The following PIKFYVE variants were observed in gnomAD, a reference collection of about 807,000 sequenced individuals.
PIKFYVE encodes the protein phosphoinositide kinase, FYVE-type zinc finger containing.
Under a neutral mutation model 257.9 loss-of-function variants are expected in PIKFYVE, and 122 were observed. That is an observed-to-expected ratio of 0.47 (90% CI 0.41 to 0.55). The LOEUF (loss-of-function observed/expected upper bound fraction) is 0.55, where lower values mean the gene tolerates loss of function less well. Among genes scored for constraint, PIKFYVE ranks in the 20% least tolerant of loss-of-function variants. PIKFYVE has a pLI of 0.00. For synonymous variants in PIKFYVE, 892 were observed against 868.9 expected (o/e 1.03, Z -0.47); for missense variants, 2,160 against 2,536.6 (o/e 0.85, Z 3.19).
chr2:208,274,303 A>G (rs565434606), intron 3 of PIKFYVE, among the ~76,000 whole-genome samples: 36 of 152,294 alleles, frequency 2.4e-4, no homozygotes, highest in African/African-American at 8.2e-4. Flanking sequence ...TCTGATGAGT[A>G]TGGGCTGGGG....
intron 7 of PIKFYVE, among the ~76,000 whole-genome samples, chr2:208,298,119 A>G (rs1693212030): frequency 6.6e-6 from 1 of 152,212 alleles, no homozygotes; most frequent in Non-Finnish European, 1.5e-5. Context: ...ATATTTAACT[A>G]TAAAACCTTC....
At chr2:208,316,345 A>G (rs1005030529) in intron 15 of PIKFYVE, among the ~76,000 whole-genome samples, 1 of 152,128 alleles carries the variant, frequency 6.6e-6, no homozygotes, top group Non-Finnish European at 1.5e-5. Flanking sequence ...TAATGTGTGC[A>G]TGTGTCTTTA....
At chr2:208,350,351 G>A (rs564271648) in intron 36 of PIKFYVE, among the ~76,000 whole-genome samples, 1 of 152,110 alleles carries the variant, frequency 6.6e-6, no homozygotes, top group African/African-American at 2.4e-5. Context: ...GTAATCTAGA[G>A]CCACAGAATT....
chr2:208,345,141 A>G lies in PIKFYVE; in HGVS notation c.5058A>G (p.Glu1686=). Residue 1686 remains glutamate, a synonymous_variant, in exon 33 of 42, where the codon GAA becomes GAG. Coordinates refer to ENST00000264380, the MANE Select transcript of PIKFYVE (RefSeq NM_015040.4). ...SCKEYRNALE[E]LSKATQWNSA... is the part of the protein sequence containing the mutation. The stretch of plus-strand genomic sequence containing the variant: ...AAGAATACCGAAATGCCTTAGAGGA[A>G]TTGTCTAAAGCGACTCAGTGGAACA... The G allele has an allele frequency of 6.2e-7, 1 of 1,600,370 alleles. No homozygotes were observed. Among genetic ancestry groups the G allele is most frequent in the Non-Finnish European group, 8.5e-7 (1 of 1,170,962 alleles).
chr2:208,316,743 C>T (rs1203395133), intron 15 of PIKFYVE, among the ~76,000 whole-genome samples: 4 of 152,156 alleles, frequency 2.6e-5, no homozygotes, highest in African/African-American at 9.7e-5. Context: ...TACTACAAGG[C>T]TACAGTAACC....
chr2:208,290,925 A>G (rs1692230610), intron 7 of PIKFYVE, among the ~76,000 whole-genome samples: 1 of 152,182 alleles, frequency 6.6e-6, no homozygotes, highest in Non-Finnish European at 1.5e-5. Flanking sequence ...TGGATTTTCT[A>G]TATAAACAGT....
intron 29 of PIKFYVE, 29 bp from the exon 30 acceptor site, chr2:208,339,389 G>A (rs772384335): frequency 6.2e-7 from 1 of 1,611,786 alleles, no homozygotes; most frequent in African/African-American, 1.3e-5. Flanking sequence ...GTATGTAAAT[G>A]ACTCATTTAA....
Position 208,286,746 on chromosome 2 carries a change from C to T in PIKFYVE, c.821+813C>T, listed in dbSNP as rs1691626691. ...ATGTTGACCAGGCTGTCTTGAACTCCTGGCTTCAAGCGATCCTCCCACCTC... is the reference window on the plus strand; with the variant it reads ...ATGTTGACCAGGCTGTCTTGAACTCTTGGCTTCAAGCGATCCTCCCACCTC... On this transcript the variant is annotated intron_variant, in intron 6 of 41. Transcript: ENST00000264380. Among the ~76,000 whole-genome samples, 2 of 151,558 alleles carry T rather than the reference C, an allele frequency of 1.3e-5. 1 individual carries two copies. The highest frequency in any genetic ancestry group is 1.3e-4 in the Admixed American group (2 of 15,206).
intron 5 of PIKFYVE, among the ~76,000 whole-genome samples, chr2:208,278,467 A>G (rs144371493): frequency 1.7e-4 from 26 of 151,640 alleles, no homozygotes; most frequent in Non-Finnish European, 3.2e-4. Context: ...GGGTATATTT[A>G]GTGATGCTGA....
intron 7 of PIKFYVE, among the ~76,000 whole-genome samples, 178 bp from the exon 8 acceptor site, chr2:208,298,463 G>T (rs1403880220): frequency 6.6e-6 from 1 of 152,136 alleles, no homozygotes; most frequent in Non-Finnish European, 1.5e-5. Flanking sequence ...GAGAGTTTCT[G>T]GGTATCCTTT....
chr2:208,302,447 T>C, intron 10 of PIKFYVE, 94 bp downstream of exon 10: 1 of 1,190,248 alleles, frequency 8.4e-7, no homozygotes, highest in Non-Finnish European at 1.2e-6. Context: ...TATTAGAAGA[T>C]GATTTTTCTA....
At chr2:208,271,399 A>G (rs1160879925) in intron 1 of PIKFYVE, 112 bp from the exon 2 acceptor site, 24 of 1,012,354 alleles carry the variant, frequency 2.4e-5, no homozygotes, top group Non-Finnish European at 7.8e-6. Context: ...GTTTGTTTTC[A>G]TAGTCTGACT....
intron 5 of PIKFYVE, among the ~76,000 whole-genome samples, chr2:208,284,128 A>G (rs1208353157): frequency 6.6e-6 from 1 of 152,200 alleles, no homozygotes; most frequent in African/African-American, 2.4e-5. Flanking sequence ...ATGTTACAGA[A>G]TCACTCAAAA....
chr2:208,313,331 A>G (rs759862894), intron 13 of PIKFYVE, among the ~76,000 whole-genome samples: 1 of 152,304 alleles, frequency 6.6e-6, no homozygotes, highest in South Asian at 2.1e-4. Flanking sequence ...CAAATTCTAC[A>G]TAAATGCTAT....
At chr2:208,296,932 G>C (rs1352844270) in intron 7 of PIKFYVE, among the ~76,000 whole-genome samples, 1 of 152,150 alleles carries the variant, frequency 6.6e-6, no homozygotes, top group African/African-American at 2.4e-5. Context: ...TGAGAGTTTT[G>C]CTGTAAAGTA....
At position 208,303,238 on chromosome 2, in the gene PIKFYVE, T is replaced by C. The variant is rs182906041; in HGVS notation, c.1320+885T>C. The stretch of plus-strand genomic sequence containing the variant: ...TGATACAATATATAGGTTATATATA[T>C]ACACACACACACATATATAAACATA... On this transcript the variant is annotated intron_variant, in intron 10 of 41. Coordinates refer to ENST00000264380, the MANE Select transcript of PIKFYVE (RefSeq NM_015040.4). 1.8e-4 allele frequency among the ~76,000 whole-genome samples: 27 copies of C among 150,310 alleles called. 1 individual carries two copies. The highest frequency in any genetic ancestry group is 4.6e-4 in the African/African-American group (19 of 40,894).
chr2:208,354,562 A>AC lies in PIKFYVE; in HGVS notation c.6107-3dup. 1 of 1,605,576 alleles carries AC rather than the reference A, an allele frequency of 6.2e-7. No individual in the cohort carries two copies. The highest frequency in any genetic ancestry group is 8.5e-7 in the Non-Finnish European group (1 of 1,172,470). ...CTTTATTGCTAATTTCACTCCTTCT[A>AC]CCCCCCAGATTATATTCGAACATTT... On this transcript the variant is annotated splice_polypyrimidine_tract_variant and intron_variant, in intron 40 of 41. Transcript: ENST00000264380.
At chr2:208,276,549 C>T (rs957138531) in intron 3 of PIKFYVE, among the ~76,000 whole-genome samples, 163 bp from the exon 4 acceptor site, 1 of 152,194 alleles carries the variant, frequency 6.6e-6, no homozygotes, top group African/African-American at 2.4e-5. Context: ...TCAGTAGCCT[C>T]TTACCCTTAT....
intron 36 of PIKFYVE, 78 bp from the exon 37 acceptor site, chr2:208,350,693 G>T: frequency 6.7e-7 from 1 of 1,501,168 alleles, no homozygotes; most frequent in South Asian, 1.1e-5. Flanking sequence ...TTTGGCCAGG[G>T]TAGGGAGTGA....
Sources: allele counts gnomAD v4.1 joint callset (sites outside exome capture counted in the v4.1 genomes callset), GRCh38; gene constraint gnomAD v4.1.1; transcripts MANE v1.5; gene names NCBI Gene and HGNC (gene_info 2026-07-23, HGNC 2026-07-21).